Variants in RPS6KC1 observed in about 807,000 individuals in gnomAD.
RPS6KC1 encodes ribosomal protein S6 kinase C1, also known as inactive ribosomal protein S6 kinase delta-1.
In RPS6KC1, 54 loss-of-function variants were observed where a neutral mutation model predicts 103.8. The observed-to-expected ratio is 0.52, with a 90% CI of 0.42 to 0.65. The LOEUF (loss-of-function observed/expected upper bound fraction) is 0.65. Among genes scored for constraint, RPS6KC1 ranks in the 30% least tolerant of loss-of-function variants. RPS6KC1 has a pLI of 0.00. For missense variants in RPS6KC1, 1,151 were observed against 1,253.8 expected (o/e 0.92, Z 1.24); for synonymous variants, 439 against 438.7 (o/e 1.00, Z -0.01).
At chr1:213,258,285 G>C (rs1355681978) in intron 12 of RPS6KC1, among the ~76,000 whole-genome samples, 1 of 152,010 alleles carries the variant, frequency 6.6e-6, no homozygotes, top group Non-Finnish European at 1.5e-5. Context: ...TTGTATTTTA[G>C]TAGAGATGCG....
At chr1:213,670,308 T>C in the RPS6KC1 span, among the ~76,000 whole-genome samples, 5 of 152,168 alleles carry the variant, frequency 3.3e-5, no homozygotes, top group Non-Finnish European at 7.3e-5. Context: ...ACTGCTCACT[T>C]GGGAGCCCTT....
the RPS6KC1 span, among the ~76,000 whole-genome samples, chr1:213,570,397 G>C: frequency 1.3e-4 from 20 of 152,250 alleles, no homozygotes; most frequent in Non-Finnish European, 2.8e-4. Flanking sequence ...AAGCTCTGAG[G>C]GTCTAATTCT....
the RPS6KC1 span, among the ~76,000 whole-genome samples, chr1:213,696,385 C>T: frequency 6.6e-6 from 1 of 151,978 alleles, no homozygotes; most frequent in East Asian, 1.9e-4. Context: ...GCCTGTAATC[C>T]CAGCTACTTG....
At chr1:213,602,094 T>TTC in the RPS6KC1 span, among the ~76,000 whole-genome samples, 887 of 35,178 alleles carry the variant, frequency 0.025, 126 homozygotes, top group Middle Eastern at 0.035. Flanking sequence ...CTTTCTTTCT[T>TTC]TCTTTCTTTC....
the RPS6KC1 span, among the ~76,000 whole-genome samples, chr1:213,517,912 C>T: frequency 3.9e-5 from 6 of 152,110 alleles, no homozygotes; most frequent in African/African-American, 1.4e-4. Context: ...TCTGGGTGCT[C>T]CTGTATTGGG....
At chr1:213,077,335 TTTTATA>T (rs985410988) in intron 2 of RPS6KC1, among the ~76,000 whole-genome samples, 7 of 152,210 alleles carry the variant, frequency 4.6e-5, no homozygotes, top group African/African-American at 1.7e-4. Flanking sequence ...TGAAGTGACA[TTTTATA>T]TAGTATAAAT....
chr1:213,326,131 G>T, the RPS6KC1 span, among the ~76,000 whole-genome samples: 1 of 151,902 alleles, frequency 6.6e-6, no homozygotes, highest in Non-Finnish European at 1.5e-5. Flanking sequence ...GAGAGACTGT[G>T]AGCACCAAAT....
chr1:213,375,644 A>T, the RPS6KC1 span, among the ~76,000 whole-genome samples: 1 of 152,220 alleles, frequency 6.6e-6, no homozygotes, highest in African/African-American at 2.4e-5. Context: ...TATAAGTGAC[A>T]GAAATCCAAT....
the RPS6KC1 span, among the ~76,000 whole-genome samples, chr1:213,594,020 C>T: frequency 1.3e-5 from 2 of 152,104 alleles, no homozygotes; most frequent in Admixed American, 1.3e-4. Context: ...CGTGCACCAC[C>T]ACTCCAGGCT....
the RPS6KC1 span, among the ~76,000 whole-genome samples, chr1:213,824,701 C>G: frequency 6.6e-6 from 1 of 152,198 alleles, no homozygotes; most frequent in East Asian, 1.9e-4. Context: ...CGCAAGCTCT[C>G]TCTTTGTCTG....
At chr1:213,608,322 C>T in the RPS6KC1 span, among the ~76,000 whole-genome samples, 1 of 152,164 alleles carries the variant, frequency 6.6e-6, no homozygotes, top group African/African-American at 2.4e-5. Context: ...GTCTGTTTGG[C>T]TCTTTTAAAA....
intron 8 of RPS6KC1, among the ~76,000 whole-genome samples, chr1:213,193,288 TC>T (rs1289463568): frequency 2.0e-5 from 3 of 152,218 alleles, no homozygotes; most frequent in Non-Finnish European, 4.4e-5. Flanking sequence ...AGTCAGAGAC[TC>T]GCTCTGTTGC....
At chr1:213,702,219 AGTTTC>A in the RPS6KC1 span, among the ~76,000 whole-genome samples, 1 of 151,842 alleles carries the variant, frequency 6.6e-6, no homozygotes, top group Non-Finnish European at 1.5e-5. Flanking sequence ...GTATTTGTAT[AGTTTC>A]CAAAATTCCT....
At chr1:213,571,178 A>G in the RPS6KC1 span, among the ~76,000 whole-genome samples, 5 of 152,168 alleles carry the variant, frequency 3.3e-5, no homozygotes, top group Non-Finnish European at 5.9e-5. Context: ...CTCTATCTGT[A>G]AAATGGAGGG....
chr1:213,781,549 G>A, the RPS6KC1 span, among the ~76,000 whole-genome samples: 6 of 152,138 alleles, frequency 3.9e-5, no homozygotes, highest in Non-Finnish European at 8.8e-5. Context: ...TTTTTTCCAC[G>A]TGTGAATTTG....
At chr1:213,081,832 A>G (rs1215835353) in intron 3 of RPS6KC1, among the ~76,000 whole-genome samples, 2 of 152,130 alleles carry the variant, frequency 1.3e-5, no homozygotes, top group Non-Finnish European at 2.9e-5. Context: ...ACTTAGGAGC[A>G]GATTCTCCAG....
chr1:213,262,987 G>A (rs1038948626), intron 14 of RPS6KC1, among the ~76,000 whole-genome samples, 171 bp downstream of exon 14: 1 of 152,134 alleles, frequency 6.6e-6, no homozygotes, highest in Non-Finnish European at 1.5e-5. Flanking sequence ...TATCATCAAA[G>A]TATTGATGGG....
Position 213,241,946 on chromosome 1 carries a change from C to A in RPS6KC1, c.2470C>A (p.Pro824Thr), listed in dbSNP as rs138148824. The A allele has an allele frequency of 3.8e-5, 61 of 1,613,968 alleles. No individual in the cohort carries two copies. The highest frequency in any genetic ancestry group is 2.8e-4 in the Admixed American group (17 of 59,954). ...AGAAAGCTTATTCCGTATTTGTAGTCCACTCTCAGGTGCTAATGAATATAT... is the reference window on the plus strand; with the variant it reads ...AGAAAGCTTATTCCGTATTTGTAGTACACTCTCAGGTGCTAATGAATATAT... ...TEESLFRICS[P>T]LSGANEYIAS... Residue 824 changes from proline (P) to threonine (T), a missense_variant, in exon 11 of 15, where the codon CCA becomes ACA. Pro to Thr is a conservative substitution (Grantham distance 38, BLOSUM62 -1). Coordinates refer to ENST00000366960, the MANE Select transcript of RPS6KC1 (RefSeq NM_012424.6).
chr1:213,084,349 A>G (rs981134009), intron 3 of RPS6KC1, among the ~76,000 whole-genome samples: 1 of 152,100 alleles, frequency 6.6e-6, no homozygotes, highest in African/African-American at 2.4e-5. Context: ...GGCTCACTGA[A>G]GCCTCGACTT....
Sources: allele counts gnomAD v4.1 joint callset (sites outside exome capture counted in the v4.1 genomes callset), GRCh38; gene constraint gnomAD v4.1.1; transcripts MANE v1.5; gene names NCBI Gene and HGNC (gene_info 2026-07-23, HGNC 2026-07-21).